Variants in CACNG5 observed in about 807,000 individuals in gnomAD.
CACNG5 encodes calcium voltage-gated channel auxiliary subunit gamma 5.
A neutral mutation model predicts 24.8 loss-of-function variants in CACNG5; 18 were observed. That is an observed-to-expected ratio of 0.73 (90% confidence interval 0.50 to 1.08). CACNG5 has a LOEUF of 1.08. CACNG5 is among the 50% of genes least tolerant of loss of function. CACNG5 has a pLI of 0.00. For missense variants in CACNG5, 349 were observed against 367.9 expected (o/e 0.95, Z 0.42); for synonymous variants, 157 against 149.1 (o/e 1.05, Z -0.39).
intron 1 of CACNG5, among the ~76,000 whole-genome samples, chr17:66,871,542 A>T (rs577369486): frequency 1.8e-4 from 28 of 152,288 alleles, no homozygotes; most frequent in South Asian, 4.2e-4. Flanking sequence ...GAGCAGGGGA[A>T]TGTGCCATTA....
chr17:66,876,617 A>G (rs1449729452), intron 1 of CACNG5, among the ~76,000 whole-genome samples: 1 of 152,140 alleles, frequency 6.6e-6, no homozygotes, highest in Non-Finnish European at 1.5e-5. Context: ...TGGCTTCTTT[A>G]CTTGTGTTGA....
At chr17:66,865,755 G>A (rs554993777) in intron 1 of CACNG5, among the ~76,000 whole-genome samples, 10 of 149,900 alleles carry the variant, frequency 6.7e-5, no homozygotes, top group African/African-American at 1.7e-4. Flanking sequence ...TCAGCCTCCC[G>A]AGTAGCTGGG....
At chr17:66,857,925 C>T (rs182000519) in intron 1 of CACNG5, among the ~76,000 whole-genome samples, 188 of 152,262 alleles carry the variant, frequency 1.2e-3, no homozygotes, top group Middle Eastern at 3.4e-3. Context: ...ATTTTAAATC[C>T]CCCCAGATGA....
At chr17:66,861,317 C>T (rs373232252) in intron 1 of CACNG5, among the ~76,000 whole-genome samples, 26 of 152,218 alleles carry the variant, frequency 1.7e-4, no homozygotes, top group African/African-American at 5.5e-4. Flanking sequence ...AGAAGACCTA[C>T]GTGCACTTAC....
At chr17:66,837,177 T>C (rs72843332) in intron 1 of CACNG5, among the ~76,000 whole-genome samples, 7,654 of 152,324 alleles carry the variant, frequency 0.05, 187 homozygotes, top group Non-Finnish European at 0.06. Flanking sequence ...TTGTGGCCTC[T>C]GCTTTCTCTA....
rs534106962 is a variant in CACNG5, at chr17:66,890,291, G to T, written c.*5051G>T. 1.3e-5 allele frequency among the ~76,000 whole-genome samples: 2 copies of T among 152,196 alleles called. No homozygotes were observed. Among genetic ancestry groups the T allele is most frequent in the Non-Finnish European group, 2.9e-5 (2 of 68,034 alleles). ...AGGCTCAGTGGTCACCACTACAGGG[G>T]GTGGAGGGTGGTACGCTGGAGCCAG... On this transcript the variant is annotated 3_prime_UTR_variant, in exon 6 of 6. Transcript: ENST00000533854.
At position 66,885,330 on chromosome 17, in the gene CACNG5, G is replaced by A; in HGVS notation, c.*90G>A. 2.1e-6 allele frequency: 3 copies of A among 1,448,884 alleles called. No individual in the cohort carries two copies. The highest frequency in any genetic ancestry group is 2.8e-6 in the Non-Finnish European group (3 of 1,087,290). The allele number at this position is 1,448,884 out of a possible 1,614,324, so 89.8% of individuals were successfully genotyped here. ...ACCCCTGAGCCCCAGGCCTGTGGTT[G>A]ACAGGCCCAGGCCACCCATGCTTAG... On this transcript the variant is annotated 3_prime_UTR_variant, in exon 6 of 6. Transcript: ENST00000533854.
At chr17:66,875,841 G>A (rs1343726009) in intron 1 of CACNG5, among the ~76,000 whole-genome samples, 3 of 152,222 alleles carry the variant, frequency 2.0e-5, no homozygotes, top group African/African-American at 7.2e-5. Context: ...AGCCAAGGGT[G>A]GCTTGGGTGA....
chr17:66,866,697 C>G (rs868579504), intron 1 of CACNG5, among the ~76,000 whole-genome samples: 1 of 152,152 alleles, frequency 6.6e-6, no homozygotes, highest in Non-Finnish European at 1.5e-5. Flanking sequence ...TCAGCTCCCA[C>G]TTATGAGTGA....
intron 4 of CACNG5, 116 bp from the exon 5 acceptor site, chr17:66,884,400 T>G: frequency 9.3e-7 from 1 of 1,077,958 alleles, no homozygotes. Context: ...ACTGAGAGCA[T>G]TGTTACCCCA....
chr17:66,845,562 CA>C (rs1207282000), intron 1 of CACNG5, among the ~76,000 whole-genome samples: 2 of 152,124 alleles, frequency 1.3e-5, no homozygotes, highest in Admixed American at 1.3e-4. Context: ...AGATGTTCCC[CA>C]ATTAGGGGTC....
intron 1 of CACNG5, among the ~76,000 whole-genome samples, chr17:66,856,740 A>C (rs1449403663): frequency 6.6e-6 from 1 of 151,880 alleles, no homozygotes; most frequent in Non-Finnish European, 1.5e-5. Flanking sequence ...ACAGGGTTTC[A>C]CCATGTTGGC....
chr17:66,882,952 CATCCATCCATCCATCCATCCATCA>C (rs1977184767), intron 4 of CACNG5, among the ~76,000 whole-genome samples: 1 of 151,422 alleles, frequency 6.6e-6, no homozygotes, highest in Non-Finnish European at 1.5e-5. Flanking sequence ...TCCATCCATC[CATCCATCCATCCATCCATCCATCA>C]ATCCATCCAT....
At chr17:66,884,832 G>A in intron 5 of CACNG5, 151 bp from the exon 6 acceptor site, 1 of 1,613,150 alleles carries the variant, frequency 6.2e-7, no homozygotes, top group Non-Finnish European at 8.5e-7. Flanking sequence ...ACCTTTCTGG[G>A]TCTCCTCCGG....
chr17:66,857,062 T>C (rs1242136482), intron 1 of CACNG5, among the ~76,000 whole-genome samples: 3 of 148,120 alleles, frequency 2.0e-5, no homozygotes, highest in Non-Finnish European at 1.5e-5. Flanking sequence ...TTTCAATTTT[T>C]AAGTTTTTTT....
At position 66,886,371 on chromosome 17, in the gene CACNG5, G is replaced by A. The variant is rs761855482; in HGVS notation, c.*1131G>A. Among the ~76,000 whole-genome samples, 6 of 152,072 alleles carry A rather than the reference G, an allele frequency of 3.9e-5. No individual in the cohort carries two copies. Among genetic ancestry groups the A allele is most frequent in the Non-Finnish European group, 8.8e-5 (6 of 68,028 alleles). ...AATATAGAGGAGTGTCTGCTTCCTG[G>A]GTGTAGGACAGATGTGGGCAAATCA... On this transcript the variant is annotated 3_prime_UTR_variant, in exon 6 of 6. Transcript: ENST00000533854.
At position 66,877,475 on chromosome 17, in the gene CACNG5, C is replaced by T. The variant is rs754107406; in HGVS notation, c.143C>T (p.Thr48Ile). 1.5e-5 allele frequency: 25 copies of T among 1,613,930 alleles called. No homozygotes were observed. The Admixed American group carries it at 3.5e-4, about 23-fold the overall frequency. Residue 48 changes from threonine (T) to isoleucine (I), a missense_variant, in exon 2 of 6, where the codon ACC (threonine) becomes ATC (isoleucine). Physicochemically the swap from Thr to Ile is moderately conservative, Grantham distance 89. Coordinates refer to ENST00000533854, the MANE Select transcript of CACNG5 (RefSeq NM_145811.3). ...GTGATTGTGCCCCAGAACCAGAGCA[C>T]CGAGATCAAGATGTCCCTGCACTCA... The part of the protein sequence containing the change: ...EGVIVPQNQS[T>I]EIKMSLHSGL...
intron 3 of CACNG5, among the ~76,000 whole-genome samples, chr17:66,879,973 T>A (rs1977134819): frequency 6.6e-6 from 1 of 152,106 alleles, no homozygotes; most frequent in Admixed American, 6.5e-5. Flanking sequence ...TAGCAAAAAC[T>A]CAGGTGTGGT....
At chr17:66,845,210 C>A (rs1310951874) in intron 1 of CACNG5, among the ~76,000 whole-genome samples, 4 of 152,110 alleles carry the variant, frequency 2.6e-5, no homozygotes, top group Non-Finnish European at 4.4e-5. Context: ...CCAAACACCG[C>A]ATGTTCTCAC....
Sources: gnomAD v4.1 joint callset for allele counts (sites outside exome capture counted in the v4.1 genomes callset) on GRCh38, gnomAD v4.1.1 for gene constraint, MANE v1.5 for transcripts, NCBI Gene and HGNC (gene_info 2026-07-23, HGNC 2026-07-21) for gene names.